Variants in GIN1 observed in about 807,000 individuals in gnomAD.
GIN1 encodes the protein gypsy retrotransposon integrase-like protein 1.
A neutral mutation model predicts 51.4 loss-of-function variants in GIN1; 41 were observed. The observed-to-expected ratio is 0.80, with a 90% CI of 0.62 to 1.04. GIN1 has a LOEUF of 1.04. Among genes scored for constraint, GIN1 ranks in the 50% least tolerant of loss-of-function variants. The pLI is 0.00. For synonymous variants in GIN1, 222 were observed against 206.5 expected, an observed-to-expected ratio of 1.07 and a Z score of -0.64; for missense variants, 610 against 612.4, an observed-to-expected ratio of 1.00 and a Z score of 0.04.
Position 103,103,155 on chromosome 5 carries a change from C to G in GIN1, c.639+1386G>C, listed in dbSNP as rs184749245. ...AAACACAATCTTTCCTTCTGAGAGT[C>G]TGGAATTTTTGTACATGCCAGGTAG... On this transcript the variant is annotated intron_variant, in intron 4 of 7. Transcript: ENST00000399004. Among the ~76,000 whole-genome samples the G allele has an allele frequency of 1.1e-3, 166 of 152,282 alleles. 2 individuals are homozygous for G. Among genetic ancestry groups the G allele is most frequent in the African/African-American group, 3.9e-3 (164 of 41,554 alleles).
intron 4 of GIN1, among the ~76,000 whole-genome samples, chr5:103,103,557 C>T (rs1385467583): frequency 1.3e-5 from 2 of 152,178 alleles, no homozygotes; most frequent in Non-Finnish European, 2.9e-5. Flanking sequence ...AACATATACC[C>T]TGTCAATTAC....
intron 6 of GIN1, among the ~76,000 whole-genome samples, 192 bp from the exon 7 acceptor site, chr5:103,097,018 T>G (rs917783814): frequency 6.6e-6 from 1 of 152,280 alleles, no homozygotes; most frequent in South Asian, 2.1e-4. Context: ...GAAGGTAAAC[T>G]AAGATAGGTT....
chr5:103,100,927 C>A (rs1787555263), intron 4 of GIN1, among the ~76,000 whole-genome samples: 1 of 152,094 alleles, frequency 6.6e-6, no homozygotes, highest in South Asian at 2.1e-4. Flanking sequence ...CCTATCAGAT[C>A]TGATAACTAT....
intron 1 of GIN1, among the ~76,000 whole-genome samples, chr5:103,112,137 G>GTT (rs1348121724): frequency 6.6e-6 from 1 of 152,014 alleles, no homozygotes; most frequent in Admixed American, 6.6e-5. Context: ...TTTTTGGTTT[G>GTT]TTTTTTTCTC....
At chr5:103,092,500 T>C (rs1787271327) in intron 7 of GIN1, among the ~76,000 whole-genome samples, 1 of 152,196 alleles carries the variant, frequency 6.6e-6, no homozygotes, top group African/African-American at 2.4e-5. Flanking sequence ...ACTAATCCTA[T>C]ATATGGTTTG....
chr5:103,103,195 A>G (rs1398724443), intron 4 of GIN1, among the ~76,000 whole-genome samples: 1 of 152,158 alleles, frequency 6.6e-6, no homozygotes, highest in East Asian at 1.9e-4. Flanking sequence ...TGCTTATGTG[A>G]CCAGCGCCCA....
At chr5:103,119,634 C>A (rs988656639) in intron 1 of GIN1, among the ~76,000 whole-genome samples, 1 of 152,116 alleles carries the variant, frequency 6.6e-6, no homozygotes, top group African/African-American at 2.4e-5. Context: ...AAATTTGGGG[C>A]AAAATTTCTG....
chr5:103,091,725 T>C (rs1787243303), intron 7 of GIN1, among the ~76,000 whole-genome samples: 1 of 151,904 alleles, frequency 6.6e-6, no homozygotes, highest in African/African-American at 2.4e-5. Flanking sequence ...GGCTCACGCC[T>C]ATAATCCCAG....
chr5:103,106,198 TGGGTCATAAA>T (rs1237878129), intron 3 of GIN1, among the ~76,000 whole-genome samples: 1 of 152,126 alleles, frequency 6.6e-6, no homozygotes, highest in Non-Finnish European at 1.5e-5. Flanking sequence ...AAGGTCCCAA[TGGGTCATAAA>T]GTTACAAAAC....
At chr5:103,095,045 A>T (rs34810) in intron 7 of GIN1, among the ~76,000 whole-genome samples, 39,166 of 152,166 alleles carry the variant, frequency 0.26, 5,567 homozygotes, top group East Asian at 0.45. Context: ...GGGCTTTAGA[A>T]CTCAAGAAAA....
At chr5:103,092,406 AG>A (rs1787268374) in intron 7 of GIN1, among the ~76,000 whole-genome samples, 1 of 152,218 alleles carries the variant, frequency 6.6e-6, no homozygotes, top group Non-Finnish European at 1.5e-5. Flanking sequence ...AGTCTGATTT[AG>A]ATTAATGTAT....
At chr5:103,117,006 A>C (rs528830674) in intron 1 of GIN1, among the ~76,000 whole-genome samples, 74 of 152,222 alleles carry the variant, frequency 4.9e-4, no homozygotes, top group African/African-American at 1.8e-3. Context: ...TATAAAGTTA[A>C]ACATCAATTT....
intron 1 of GIN1, among the ~76,000 whole-genome samples, chr5:103,111,855 T>G (rs1787895144): frequency 6.6e-6 from 1 of 152,158 alleles, no homozygotes; most frequent in South Asian, 2.1e-4. Context: ...AGAAAATTTT[T>G]CTATCTAATG....
At chr5:103,101,346 G>A (rs1421541496) in intron 4 of GIN1, among the ~76,000 whole-genome samples, 1 of 152,192 alleles carries the variant, frequency 6.6e-6, no homozygotes, top group Non-Finnish European at 1.5e-5. Flanking sequence ...ATCACTATAC[G>A]CAGAATGGTG....
intron 1 of GIN1, among the ~76,000 whole-genome samples, chr5:103,118,349 T>A (rs1788111492): frequency 7.1e-6 from 1 of 140,642 alleles, no homozygotes; most frequent in African/African-American, 2.5e-5. Context: ...TATGGTAATG[T>A]ATAATTATTA....
Position 103,104,531 on chromosome 5 carries a change from T to A in GIN1, c.639+10A>T. 1.4e-6 allele frequency: 2 copies of A among 1,409,384 alleles called. No homozygotes were observed. Among genetic ancestry groups the A allele is most frequent in the Non-Finnish European group, 9.9e-7 (1 of 1,008,948 alleles). 87.3% of individuals were successfully genotyped at this position (1,409,384 alleles called of 1,614,324 possible). A position where few individuals can be genotyped will look rare whatever the true frequency, so the allele number is the denominator to read the frequency against. On this transcript the variant is annotated intron_variant, in intron 4 of 7. Transcript: ENST00000399004. Reference sequence around the variant, plus strand: ...TATGCTCCCAGACCTAAGTAGTTTATTTGTCTTACCTGTTGAATGAATTCA... The same window carrying A: ...TATGCTCCCAGACCTAAGTAGTTTAATTGTCTTACCTGTTGAATGAATTCA...
In GIN1 at chr5:103,108,709, G is replaced by T. The variant is rs1787794875; in HGVS notation, c.-2C>A. ...ACCATTTTTTCCACTACGGACCATT[G>T]TGAACCTAGGTAAAAGGTATTTAAA... On this transcript the variant is annotated 5_prime_UTR_variant, in exon 2 of 8. Transcript: ENST00000399004. 6.3e-7 allele frequency: 1 copy of T among 1,585,642 alleles called. No individual in the cohort carries two copies. Among genetic ancestry groups the T allele is most frequent in the Non-Finnish European group, 8.6e-7 (1 of 1,162,254 alleles).
chr5:103,093,809 T>C (rs1787321564), intron 7 of GIN1, among the ~76,000 whole-genome samples: 1 of 152,194 alleles, frequency 6.6e-6, no homozygotes, highest in African/African-American at 2.4e-5. Flanking sequence ...TAAGATTTCT[T>C]GGTCTAAATA....
chr5:103,113,532 T>C (rs1787942445), intron 1 of GIN1, among the ~76,000 whole-genome samples: 2 of 151,354 alleles, frequency 1.3e-5, no homozygotes, highest in Non-Finnish European at 3.0e-5. Flanking sequence ...TTTTTTTTTT[T>C]TTTTTTTGAG....
Sources: allele counts gnomAD v4.1 joint callset (sites outside exome capture counted in the v4.1 genomes callset), GRCh38; gene constraint gnomAD v4.1.1; transcripts MANE v1.5; gene names NCBI Gene and HGNC (gene_info 2026-07-23, HGNC 2026-07-21).